Variants in KCNH8 observed in about 807,000 individuals in gnomAD.
The protein encoded by KCNH8 is potassium voltage-gated channel subfamily H member 8.
In KCNH8, 70 loss-of-function variants were observed where a neutral mutation model predicts 103.6. That is an observed-to-expected ratio of 0.68 (90% confidence interval 0.56 to 0.82). The LOEUF (loss-of-function observed/expected upper bound fraction) is 0.82. KCNH8 is among the 40% of genes least tolerant of loss of function. The pLI is 0.00. For missense variants in KCNH8, 1,217 were observed against 1,329.9 expected (o/e 0.92, Z 1.32); for synonymous variants, 498 against 489.4 (o/e 1.02, Z -0.23).
intron 2 of KCNH8, among the ~76,000 whole-genome samples, chr3:19,272,119 C>G (rs2064596821): frequency 6.6e-6 from 1 of 151,844 alleles, no homozygotes; most frequent in Non-Finnish European, 1.5e-5. Flanking sequence ...TGTTTTTGAC[C>G]TTGGATTCAT....
chr3:19,315,004 C>T (rs1255959536), intron 3 of KCNH8: 1 of 152,866 alleles, frequency 6.5e-6, no homozygotes, highest in East Asian at 1.9e-4. Context: ...ACTTTAATAT[C>T]AGGTCACAGG....
intron 1 of KCNH8, among the ~76,000 whole-genome samples, chr3:19,169,826 A>G (rs1158934590): frequency 1.3e-5 from 2 of 152,246 alleles, no homozygotes; most frequent in African/African-American, 2.4e-5. Flanking sequence ...GGAACCTATC[A>G]AGGATCCATA....
At chr3:19,475,247 G>A (rs1478323393) in intron 11 of KCNH8, among the ~76,000 whole-genome samples, 4 of 152,162 alleles carry the variant, frequency 2.6e-5, no homozygotes, top group Non-Finnish European at 4.4e-5. Flanking sequence ...CTGAAAAGAG[G>A]CTTCATGTGT....
chr3:19,480,408 G>T (rs1399909594), intron 11 of KCNH8, among the ~76,000 whole-genome samples: 1 of 152,180 alleles, frequency 6.6e-6, no homozygotes, highest in African/African-American at 2.4e-5. Flanking sequence ...TCAGGATTCA[G>T]AGGCATTTAA....
chr3:19,165,423 A>G (rs1320382995), intron 1 of KCNH8, among the ~76,000 whole-genome samples: 1 of 152,228 alleles, frequency 6.6e-6, no homozygotes, highest in African/African-American at 2.4e-5. Flanking sequence ...ACATAGTCAA[A>G]TTAATAATAC....
At chr3:19,478,069 C>T (rs146367197) in intron 11 of KCNH8, among the ~76,000 whole-genome samples, 1 of 152,114 alleles carries the variant, frequency 6.6e-6, no homozygotes, top group African/African-American at 2.4e-5. Context: ...CAGTTACACC[C>T]ATGTTACTGC....
At chr3:19,402,214 CT>C (rs1270762509) in intron 7 of KCNH8, among the ~76,000 whole-genome samples, 1 of 151,816 alleles carries the variant, frequency 6.6e-6, no homozygotes, top group African/African-American at 2.4e-5. Context: ...TAATCTTTTT[CT>C]TTTTTGTACA....
At chr3:19,409,331 A>G (rs555130542) in intron 7 of KCNH8, among the ~76,000 whole-genome samples, 4 of 152,306 alleles carry the variant, frequency 2.6e-5, no homozygotes, top group African/African-American at 9.6e-5. Context: ...GGAATTTGTT[A>G]CCACTACACC....
intron 1 of KCNH8, among the ~76,000 whole-genome samples, chr3:19,234,140 C>G (rs1559434699): frequency 6.6e-6 from 1 of 152,216 alleles, no homozygotes; most frequent in Non-Finnish European, 1.5e-5. Flanking sequence ...TGACAGGGCG[C>G]TGTTTGGTGC....
chr3:19,176,913 AC>A (rs1013783201), intron 1 of KCNH8, among the ~76,000 whole-genome samples: 2 of 152,232 alleles, frequency 1.3e-5, no homozygotes, highest in Non-Finnish European at 2.9e-5. Flanking sequence ...TCAATACATA[AC>A]CTTGTTTTAT....
intron 11 of KCNH8, among the ~76,000 whole-genome samples, chr3:19,499,744 AT>A (rs1490256855): frequency 2.0e-5 from 3 of 152,134 alleles, no homozygotes; most frequent in African/African-American, 4.8e-5. Flanking sequence ...ATGCTCAGAG[AT>A]TTTTGTCACC....
chr3:19,491,036 A>G (rs1342187614), intron 11 of KCNH8, among the ~76,000 whole-genome samples: 3 of 152,228 alleles, frequency 2.0e-5, no homozygotes, highest in Admixed American at 6.5e-5. Context: ...TGAAGTGTTA[A>G]TCATCTGAAT....
intron 1 of KCNH8, among the ~76,000 whole-genome samples, chr3:19,159,738 T>C (rs1278653331): frequency 6.6e-6 from 1 of 152,132 alleles, no homozygotes; most frequent in Non-Finnish European, 1.5e-5. Flanking sequence ...ACACTTCAGA[T>C]ACGAAACATT....
intron 1 of KCNH8, among the ~76,000 whole-genome samples, chr3:19,204,430 GA>G (rs1284237188): frequency 1.3e-5 from 2 of 151,966 alleles, no homozygotes; most frequent in African/African-American, 4.8e-5. Context: ...GGAAGAGAGA[GA>G]GAGAGAGAGT....
chr3:19,228,681 G>A (rs961434630), intron 1 of KCNH8, among the ~76,000 whole-genome samples: 9 of 152,050 alleles, frequency 5.9e-5, no homozygotes, highest in African/African-American at 2.2e-4. Flanking sequence ...TGTGTGTTAC[G>A]TCACCAATAT....
chr3:19,291,079 T>C (rs1335570331), intron 3 of KCNH8, among the ~76,000 whole-genome samples: 5 of 152,106 alleles, frequency 3.3e-5, no homozygotes, highest in African/African-American at 4.8e-5. Context: ...TCTGTGGGAT[T>C]GGTGGTGATA....
rs982626213 is a variant in KCNH8 at position 19,341,108 on chromosome 3, G to A, written c.443-1479G>A. ...TCTTCTTTTGAGGTGGGCTGTCCACGTGCACAGTGGCCTGACAGCACTAGG... is the reference window on the plus strand; with the variant it reads ...TCTTCTTTTGAGGTGGGCTGTCCACATGCACAGTGGCCTGACAGCACTAGG... On this transcript the variant is annotated intron_variant, in intron 3 of 15. Coordinates refer to ENST00000328405, the MANE Select transcript of KCNH8 (RefSeq NM_144633.3). Among the ~76,000 whole-genome samples the A allele has an allele frequency of 2.6e-5, 4 of 152,034 alleles. 1 individual carries two copies. In the South Asian group the frequency reaches 8.3e-4, roughly 32 times the overall value.
At position 19,466,579 on chromosome 3, in the gene KCNH8, A is replaced by C. The variant is rs921915792; in HGVS notation, c.2040+9597A>C. On this transcript the variant is annotated intron_variant, in intron 11 of 15. Transcript: ENST00000328405. ...TCAGCAGCCATCAACATCAAAGCAA[A>C]ACCCTTCACCAACAAAGAGATTATA... 1.8e-4 allele frequency among the ~76,000 whole-genome samples: 27 copies of C among 151,790 alleles called. 2 individuals are homozygous for C. In the South Asian group the frequency reaches 4.2e-3, roughly 23 times the overall value.
chr3:19,200,988 T>G (rs2063652923), intron 1 of KCNH8, among the ~76,000 whole-genome samples: 1 of 151,530 alleles, frequency 6.6e-6, no homozygotes, highest in African/African-American at 2.4e-5. Context: ...TCCCAGCACT[T>G]TGGGAGGCTG....
Sources: gnomAD v4.1 joint callset for allele counts (sites outside exome capture counted in the v4.1 genomes callset) on GRCh38, gnomAD v4.1.1 for gene constraint, MANE v1.5 for transcripts, NCBI Gene and HGNC (gene_info 2026-07-23, HGNC 2026-07-21) for gene names.